Variants in LRP1B observed in about 807,000 individuals in gnomAD.
LRP1B encodes the protein LDL receptor related protein 1B.
In LRP1B, 217 loss-of-function variants were observed where a neutral mutation model predicts 556.6. The ratio of observed to expected loss-of-function variants is 0.39; its 90% CI spans 0.35 to 0.44. The LOEUF (loss-of-function observed/expected upper bound fraction) is 0.44, where lower values mean the gene tolerates loss of function less well. Ranked by LOEUF, LRP1B falls within the 20% of genes least tolerant of loss-of-function variation. The probability of loss-of-function intolerance (pLI) is 1.00; values close to 1 mark genes in which losing one functional copy is unlikely to be tolerated. For synonymous variants in LRP1B, 2,047 were observed against 1,865.8 expected (o/e 1.10, Z -2.50); for missense variants, 5,053 against 5,620.8 (o/e 0.90, Z 3.23).
At chr2:141,897,983 TG>T (rs1330931248) in intron 1 of LRP1B, among the ~76,000 whole-genome samples, 1 of 152,038 alleles carries the variant, frequency 6.6e-6, no homozygotes, top group Non-Finnish European at 1.5e-5. Context: ...CTGAATCAAG[TG>T]GTCATCTTAT....
intron 1 of LRP1B, among the ~76,000 whole-genome samples, chr2:141,989,942 T>G (rs1702300068): frequency 6.6e-6 from 1 of 152,122 alleles, no homozygotes; most frequent in African/African-American, 2.4e-5. Context: ...AGTAGACATC[T>G]CATGCTAATA....
At chr2:141,501,677 A>C (rs769280047) in intron 2 of LRP1B, among the ~76,000 whole-genome samples, 11 of 152,170 alleles carry the variant, frequency 7.2e-5, no homozygotes, top group Non-Finnish European at 1.2e-4. Context: ...TATATACTGT[A>C]ATTAACAACC....
rs369596968 is a variant in LRP1B at position 140,619,245 on chromosome 2, A to G, written c.6800-17606T>C. Among the ~76,000 whole-genome samples the G allele has an allele frequency of 6.6e-5, 10 of 152,222 alleles. No homozygotes were observed. The East Asian group carries it at 1.9e-3, about 30-fold the overall frequency. ...ACCTCAAGCTCATCAACAAGGAAAT[A>G]AACTTACAAATTTGTTTAGAAAATA... On this transcript the variant is annotated intron_variant, in intron 41 of 90. Coordinates refer to ENST00000389484, the MANE Select transcript of LRP1B (RefSeq NM_018557.3).
chr2:140,871,417 G>A (rs1046877656), intron 25 of LRP1B, among the ~76,000 whole-genome samples: 3 of 152,030 alleles, frequency 2.0e-5, no homozygotes, highest in African/African-American at 4.8e-5. Context: ...AACAGAGAAA[G>A]GGAGAGAAAA....
chr2:141,281,613 G>A (rs1685511643), intron 3 of LRP1B, among the ~76,000 whole-genome samples: 1 of 152,004 alleles, frequency 6.6e-6, no homozygotes, highest in African/African-American at 2.4e-5. Context: ...ATAGTAGAGA[G>A]TCAGTATATT....
intron 2 of LRP1B, among the ~76,000 whole-genome samples, chr2:141,489,446 T>C (rs1683252582): frequency 6.6e-6 from 1 of 152,042 alleles, no homozygotes; most frequent in South Asian, 2.1e-4. Flanking sequence ...GTAATTACCA[T>C]AGCTGAGAAT....
rs141288067 is a variant in LRP1B at position 141,265,009 on chromosome 2, C to T, written c.344-10368G>A. 4.8e-3 allele frequency among the ~76,000 whole-genome samples: 729 copies of T among 152,226 alleles called. 6 individuals are homozygous for T. The highest frequency in any genetic ancestry group is 0.017 in the African/African-American group (698 of 41,556). ...CTAGGACAGGGCACTGGATAACTTCCCTGTGCTGAGCCGCTGCTCCTGCTA... is the reference window on the plus strand; with the variant it reads ...CTAGGACAGGGCACTGGATAACTTCTCTGTGCTGAGCCGCTGCTCCTGCTA... On this transcript the variant is annotated intron_variant, in intron 3 of 90. Coordinates refer to ENST00000389484, the MANE Select transcript of LRP1B (RefSeq NM_018557.3).
chr2:141,108,337 T>TA (rs1259105271), intron 7 of LRP1B, among the ~76,000 whole-genome samples: 5 of 85,850 alleles, frequency 5.8e-5, no homozygotes, highest in Non-Finnish European at 7.4e-5. Context: ...TCTGTTTCTT[T>TA]TTTTTTTTTT....
chr2:140,893,571 AT>A (rs1392376827), intron 23 of LRP1B, among the ~76,000 whole-genome samples: 2 of 152,210 alleles, frequency 1.3e-5, no homozygotes, highest in African/African-American at 2.4e-5. Flanking sequence ...TTCCGTAGGT[AT>A]AAAATCAGAG....
intron 81 of LRP1B, among the ~76,000 whole-genome samples, chr2:140,323,286 A>C (rs1325395896): frequency 6.6e-6 from 1 of 152,086 alleles, no homozygotes; most frequent in East Asian, 1.9e-4. Context: ...AATTACCTCA[A>C]TGACTTACCC....
chr2:141,033,274 GAGA>G (rs1253073040), intron 11 of LRP1B, among the ~76,000 whole-genome samples: 1 of 152,020 alleles, frequency 6.6e-6, no homozygotes, highest in Non-Finnish European at 1.5e-5. Flanking sequence ...AATGAGAACA[GAGA>G]AGCAGTCAGA....
chr2:140,239,314 G>T, intron 88 of LRP1B, 128 bp downstream of exon 88: 1 of 550,690 alleles, frequency 1.8e-6, no homozygotes. Context: ...AAAATGATTT[G>T]AAAAACATTG....
At chr2:141,682,541 A>G (rs1437351) in intron 2 of LRP1B, among the ~76,000 whole-genome samples, 1 of 151,858 alleles carries the variant, frequency 6.6e-6, no homozygotes, top group African/African-American at 2.4e-5. Context: ...CTCTGCTGAA[A>G]AAGTGGAAAA....
At chr2:141,910,614 T>C (rs1388522081) in intron 1 of LRP1B, among the ~76,000 whole-genome samples, 2 of 152,098 alleles carry the variant, frequency 1.3e-5, no homozygotes, top group Admixed American at 6.6e-5. Context: ...TGTAAATGGA[T>C]AAGAAATCAT....
chr2:141,009,995 T>C (rs1472610252), intron 14 of LRP1B, among the ~76,000 whole-genome samples: 1 of 152,022 alleles, frequency 6.6e-6, no homozygotes, highest in Non-Finnish European at 1.5e-5. Flanking sequence ...GGCTTTCTCA[T>C]ATGTAAAATA....
intron 3 of LRP1B, among the ~76,000 whole-genome samples, chr2:141,412,751 A>G (rs1448260180): frequency 3.3e-5 from 5 of 152,190 alleles, no homozygotes; most frequent in African/African-American, 1.2e-4. Flanking sequence ...GAGAGTAACC[A>G]AAGAGAAAAA....
At chr2:141,510,232 A>ACCCCC (rs1341873506) in intron 2 of LRP1B, among the ~76,000 whole-genome samples, 1 of 149,348 alleles carries the variant, frequency 6.7e-6, no homozygotes, top group African/African-American at 2.5e-5. Context: ...ACACACACAC[A>ACCCCC]CACCCCCCAC....
At chr2:140,934,215 A>G (rs1433481440) in intron 20 of LRP1B, among the ~76,000 whole-genome samples, 1 of 152,158 alleles carries the variant, frequency 6.6e-6, no homozygotes, top group African/African-American at 2.4e-5. Context: ...ATCAGGACAG[A>G]AGAACATATG....
At position 140,873,837 on chromosome 2, in the gene LRP1B, A is replaced by C. The variant is rs1693218058; in HGVS notation, c.4170-5574T>G. Among the ~76,000 whole-genome samples the C allele has an allele frequency of 2.0e-5, 3 of 151,924 alleles. No individual in the cohort carries two copies. In the South Asian group the frequency reaches 6.2e-4, roughly 31 times the overall value. Reference sequence around the variant, plus strand: ...GTATGTCCTTTTTAAACAGGTGAAAAATTTTTCTCTAATTCAAAGCTTATT... The same window carrying C: ...GTATGTCCTTTTTAAACAGGTGAAACATTTTTCTCTAATTCAAAGCTTATT... On this transcript the variant is annotated intron_variant, in intron 25 of 90. Coordinates refer to ENST00000389484, the MANE Select transcript of LRP1B (RefSeq NM_018557.3).
Sources: gnomAD v4.1 joint callset for allele counts (sites outside exome capture counted in the v4.1 genomes callset) on GRCh38, gnomAD v4.1.1 for gene constraint, MANE v1.5 for transcripts, NCBI Gene and HGNC (gene_info 2026-07-23, HGNC 2026-07-21) for gene names.